CUL5: variants seen among roughly 807,000 people sequenced by gnomAD.
The protein encoded by CUL5 is cullin-5.
In CUL5, 26 loss-of-function variants were observed where a neutral mutation model predicts 108.8. That is an observed-to-expected ratio of 0.24 (90% CI 0.18 to 0.33). The LOEUF is 0.33. Among genes scored for constraint, CUL5 ranks in the 10% least tolerant of loss-of-function variants. The pLI is 1.00. For synonymous variants in CUL5, 334 were observed against 298.0 expected (o/e 1.12, Z -1.25); for missense variants, 524 against 909.2 (o/e 0.58, Z 5.45).
At chr11:108,028,503 C>T (rs1262535803) in intron 1 of CUL5, among the ~76,000 whole-genome samples, 2 of 152,132 alleles carry the variant, frequency 1.3e-5, no homozygotes, top group Admixed American at 1.3e-4. Flanking sequence ...ATAATATATT[C>T]TCAACATAGT....
At chr11:108,039,436 T>G (rs1330062555) in intron 2 of CUL5, among the ~76,000 whole-genome samples, 1 of 152,236 alleles carries the variant, frequency 6.6e-6, no homozygotes, top group Non-Finnish European at 1.5e-5. Context: ...TGTTTCCAGA[T>G]ACCCTTCTAG....
In CUL5 at chr11:108,106,726, A is replaced by C. The variant is rs1565275560; in HGVS notation, c.*2342A>C. 6.6e-6 allele frequency: 1 copy of C among 151,646 alleles called. No individual in the cohort carries two copies. Among genetic ancestry groups the C allele is most frequent in the Non-Finnish European group, 1.5e-5 (1 of 67,868 alleles). The allele number at this position is 151,646 out of a possible 1,614,324, so 9.4% of individuals were successfully genotyped here. A position where few individuals can be genotyped will look rare whatever the true frequency, so the allele number is the denominator to read the frequency against. ...CAGCAGTTTGTAAAGGTCTGGAATC[A>C]CAGTTGGCATCCTTTATTCAGGTCT... On this transcript the variant is annotated 3_prime_UTR_variant, in exon 19 of 19. Transcript: ENST00000393094.
At chr11:108,080,498 T>A (rs1864052179) in intron 11 of CUL5, among the ~76,000 whole-genome samples, 1 of 152,002 alleles carries the variant, frequency 6.6e-6, no homozygotes, top group African/African-American at 2.4e-5. Context: ...TGGGTTCAAG[T>A]GATTCTCTTG....
chr11:108,012,778 G>C (rs1358427539), intron 1 of CUL5, among the ~76,000 whole-genome samples: 1 of 151,880 alleles, frequency 6.6e-6, no homozygotes, highest in Admixed American at 6.6e-5. Context: ...TGTATTTTTA[G>C]TAGAGACGGG....
chr11:108,071,737 A>AC (rs1863828482), intron 8 of CUL5, among the ~76,000 whole-genome samples: 1 of 151,712 alleles, frequency 6.6e-6, no homozygotes. Context: ...TTTTTGTGTA[A>AC]CGATGGGTTT....
At chr11:108,084,136 A>G (rs1199594548) in intron 11 of CUL5, among the ~76,000 whole-genome samples, 1 of 152,226 alleles carries the variant, frequency 6.6e-6, no homozygotes, top group African/African-American at 2.4e-5. Flanking sequence ...CATCCAAGTT[A>G]TTTGGGAGAC....
intron 1 of CUL5, among the ~76,000 whole-genome samples, chr11:108,020,949 AG>A (rs1862313519): frequency 6.6e-6 from 1 of 152,128 alleles, no homozygotes; most frequent in Non-Finnish European, 1.5e-5. Context: ...TGCCCAATTT[AG>A]GTCTACCATT....
At chr11:108,032,046 G>A (rs937989013) in intron 1 of CUL5, among the ~76,000 whole-genome samples, 1 of 152,082 alleles carries the variant, frequency 6.6e-6, no homozygotes, top group African/African-American at 2.4e-5. Flanking sequence ...GGAGGGAGAG[G>A]ATCAGGAAAA....
chr11:108,091,405 A>C (rs1334879278), intron 13 of CUL5, among the ~76,000 whole-genome samples: 1 of 151,880 alleles, frequency 6.6e-6, no homozygotes, highest in Non-Finnish European at 1.5e-5. Flanking sequence ...AAAATGACAA[A>C]CAAGGCTAGG....
intron 4 of CUL5, among the ~76,000 whole-genome samples, chr11:108,052,092 A>C (rs192211454): frequency 6.6e-6 from 1 of 152,234 alleles, no homozygotes; most frequent in East Asian, 1.9e-4. Flanking sequence ...CAGCCTCCCA[A>C]GTAGCTGGGA....
chr11:108,100,601 T>C (rs1032323969), intron 18 of CUL5, among the ~76,000 whole-genome samples: 2 of 152,066 alleles, frequency 1.3e-5, no homozygotes, highest in African/African-American at 4.8e-5. Flanking sequence ...GAAGAATTTA[T>C]ACAATAAAGG....
chr11:108,061,894 GGAGA>G (rs145120147), intron 7 of CUL5, among the ~76,000 whole-genome samples: 17 of 149,964 alleles, frequency 1.1e-4, no homozygotes, highest in African/African-American at 2.9e-4. Flanking sequence ...TGTGGCAGCA[GGAGA>G]GAGAGAGAGA....
At chr11:108,057,690 A>G (rs1863421624) in intron 7 of CUL5, among the ~76,000 whole-genome samples, 1 of 152,192 alleles carries the variant, frequency 6.6e-6, no homozygotes, top group Non-Finnish European at 1.5e-5. Context: ...AATTACAACT[A>G]TATGCAACAT....
chr11:108,042,785 CAG>C (rs1862962471), intron 2 of CUL5, among the ~76,000 whole-genome samples: 1 of 151,732 alleles, frequency 6.6e-6, no homozygotes, highest in South Asian at 2.1e-4. Flanking sequence ...TTTTTTGAGA[CAG>C]AGTCTTGCCC....
At chr11:108,062,994 C>T (rs1389737831) in intron 7 of CUL5, among the ~76,000 whole-genome samples, 2 of 151,974 alleles carry the variant, frequency 1.3e-5, no homozygotes, top group Admixed American at 1.3e-4. Context: ...TACAGGCATG[C>T]ACCACCACGC....
chr11:108,073,332 AT>A (rs1015687434), intron 9 of CUL5, 57 bp from the exon 10 acceptor site: 47 of 759,584 alleles, frequency 6.2e-5, no homozygotes, highest in Non-Finnish European at 8.9e-5. Context: ...TTATTTTCTC[AT>A]TTTTTTGTGT....
At chr11:108,099,080 C>G (rs572834226) in intron 18 of CUL5, among the ~76,000 whole-genome samples, 1 of 149,184 alleles carries the variant, frequency 6.7e-6, no homozygotes, top group African/African-American at 2.5e-5. Flanking sequence ...TCTTAACTCA[C>G]TGCAGCCTCA....
chr11:108,035,332 G>A (rs1056579116), intron 2 of CUL5, among the ~76,000 whole-genome samples: 5 of 152,198 alleles, frequency 3.3e-5, no homozygotes, highest in Non-Finnish European at 5.9e-5. Context: ...AGTCCCATCA[G>A]AGAATAAGCC....
intron 2 of CUL5, among the ~76,000 whole-genome samples, chr11:108,034,368 G>C (rs1204392850): frequency 6.6e-6 from 1 of 152,140 alleles, no homozygotes; most frequent in African/African-American, 2.4e-5. Flanking sequence ...CTCTCAACAT[G>C]TACCAAAATC....
Sources: gnomAD v4.1 joint callset for allele counts (sites outside exome capture counted in the v4.1 genomes callset) on GRCh38, gnomAD v4.1.1 for gene constraint, MANE v1.5 for transcripts, NCBI Gene and HGNC (gene_info 2026-07-23, HGNC 2026-07-21) for gene names.